The following BASP1 variants were observed in gnomAD, a reference collection of about 807,000 sequenced individuals.
BASP1 encodes brain abundant membrane attached signal protein 1.
A neutral mutation model predicts 2.2 loss-of-function variants in BASP1; 1 was observed. The ratio of observed to expected loss-of-function variants is 0.46; its 90% CI spans 0.16 to 2.17. BASP1 has a LOEUF of 2.17. BASP1 is among the 30% of genes most tolerant of loss of function. The pLI is 0.27. For synonymous variants in BASP1, 187 were observed against 154.2 expected (o/e 1.21, Z -1.58); for missense variants, 352 against 327.2 (o/e 1.08, Z -0.58).
intron 1 of BASP1, among the ~76,000 whole-genome samples, chr5:17,272,071 GAAAA>G (rs778258451): frequency 3.2e-4 from 19 of 60,228 alleles, no homozygotes; most frequent in African/African-American, 9.0e-4. Flanking sequence ...TGCATTTCAA[GAAAA>G]AAAAAAAAAA....
intron 1 of BASP1, among the ~76,000 whole-genome samples, chr5:17,237,119 GCGGATCA>G (rs1739763560): frequency 6.6e-6 from 1 of 152,160 alleles, no homozygotes; most frequent in South Asian, 2.1e-4. Flanking sequence ...GTCGAGGTGG[GCGGATCA>G]CGAGGTTAGG....
intron 1 of BASP1, among the ~76,000 whole-genome samples, chr5:17,219,248 GC>G (rs1739341892): frequency 6.6e-6 from 1 of 152,258 alleles, no homozygotes; most frequent in Admixed American, 6.5e-5. Flanking sequence ...GGGCCCGGCA[GC>G]CCCATCCCAT....
intron 1 of BASP1, among the ~76,000 whole-genome samples, chr5:17,257,945 G>C (rs1428822413): frequency 6.6e-6 from 1 of 152,136 alleles, no homozygotes; most frequent in Admixed American, 6.5e-5. Context: ...GGGTAGCAAG[G>C]GGACTGCCCA....
chr5:17,218,046 T>G, intron 1 of BASP1, among the ~76,000 whole-genome samples: 4 of 122,794 alleles, frequency 3.3e-5, no homozygotes, highest in Non-Finnish European at 1.8e-5. Flanking sequence ...GCTCGCATGG[T>G]GGAGGGGTGA....
At chr5:17,243,866 A>G (rs1739922017) in intron 1 of BASP1, among the ~76,000 whole-genome samples, 1 of 152,192 alleles carries the variant, frequency 6.6e-6, no homozygotes, top group African/African-American at 2.4e-5. Flanking sequence ...CAGAAAACAA[A>G]ACACTGCTGT....
chr5:17,227,203 A>G (rs981918963), intron 1 of BASP1, among the ~76,000 whole-genome samples: 5 of 148,874 alleles, frequency 3.4e-5, no homozygotes, highest in Admixed American at 2.7e-4. Context: ...TGCTAGGATT[A>G]CAGGTGTGAG....
chr5:17,226,946 CT>C (rs5866245), intron 1 of BASP1, among the ~76,000 whole-genome samples: 86,657 of 143,112 alleles, frequency 0.61, 26,595 homozygotes, highest in African/African-American at 0.81. Context: ...TTTTTTTTTT[CT>C]TTTTTTCGTT....
At chr5:17,230,385 T>A (rs1233180779) in intron 1 of BASP1, among the ~76,000 whole-genome samples, 2 of 151,868 alleles carry the variant, frequency 1.3e-5, no homozygotes, top group Non-Finnish European at 2.9e-5. Flanking sequence ...GGGAAGTGTG[T>A]GTCGGGAATC....
Position 17,275,544 on chromosome 5 carries a change from G to A in BASP1, c.328G>A (p.Ala110Thr), listed in dbSNP as rs1257025946. The part of the protein sequence containing the change: ...PPKAPEQEQA[A>T]PGPAAGGEAP... ...GAAGGCGCCCGAGCAGGAGCAGGCG[G>A]CCCCCGGCCCCGCTGCGGGCGGCGA... The change falls in exon 2 of 2, where the codon GCC (alanine) becomes ACC (threonine). Residue 110 changes from alanine to threonine, a missense_variant. Transcript: ENST00000322611. This position sits in a 1 kb window ranked among gnomAD's most constrained non-coding sequence, Gnocchi z 5.3. 6 of 1,404,224 alleles carry A rather than the reference G, an allele frequency of 4.3e-6. No homozygotes were observed. The highest frequency in any genetic ancestry group is 5.5e-6 in the Non-Finnish European group (6 of 1,083,924). 87.0% of individuals were successfully genotyped at this position (1,404,224 alleles called of 1,614,324 possible). A position where few individuals can be genotyped will look rare whatever the true frequency, so the allele number is the denominator to read the frequency against.
intron 1 of BASP1, among the ~76,000 whole-genome samples, chr5:17,231,866 C>T (rs1424937562): frequency 6.6e-6 from 1 of 152,182 alleles, no homozygotes; most frequent in Non-Finnish European, 1.5e-5. Context: ...CACCCCATGT[C>T]TGTTCAGTGT....
At chr5:17,230,877 A>C (rs1205867811) in intron 1 of BASP1, among the ~76,000 whole-genome samples, 1 of 152,148 alleles carries the variant, frequency 6.6e-6, no homozygotes, top group Non-Finnish European at 1.5e-5. Context: ...GGGTCTTTTT[A>C]AAACAGTTTA....
chr5:17,275,156 C>T lies in BASP1; in HGVS notation c.-9-52C>T. Reference sequence around the variant, plus strand: ...TTGCAAAATGCAGCTTTTTGTGGTCCCCACACTTGCCTAGTAACCGCCGTT... The same window carrying T: ...TTGCAAAATGCAGCTTTTTGTGGTCTCCACACTTGCCTAGTAACCGCCGTT... On this transcript the variant is annotated intron_variant, in intron 1 of 1. Transcript: ENST00000322611. This position sits in a 1 kb window ranked among gnomAD's most constrained non-coding sequence, Gnocchi z 5.3. The T allele has an allele frequency of 6.3e-7, 1 of 1,582,272 alleles. No homozygotes were observed. Among genetic ancestry groups the T allele is most frequent in the East Asian group, 2.2e-5 (1 of 44,680 alleles).
intron 1 of BASP1, among the ~76,000 whole-genome samples, chr5:17,242,746 A>G (rs1183930744): frequency 3.3e-5 from 5 of 152,148 alleles, no homozygotes. Context: ...ATAACTTTAA[A>G]CAACAGAAAA....
chr5:17,262,190 C>A (rs979700249), intron 1 of BASP1, among the ~76,000 whole-genome samples: 21 of 152,212 alleles, frequency 1.4e-4, no homozygotes, highest in African/African-American at 4.8e-4. Flanking sequence ...TCTTTTCTCA[C>A]TCCAAGTATC....
chr5:17,235,109 G>T (rs990466134), intron 1 of BASP1, among the ~76,000 whole-genome samples: 2 of 152,126 alleles, frequency 1.3e-5, no homozygotes, highest in Non-Finnish European at 2.9e-5. Context: ...ATATGCTTTA[G>T]CTCTTGAACA....
intron 1 of BASP1, among the ~76,000 whole-genome samples, chr5:17,267,157 G>A (rs1740431198): frequency 6.6e-6 from 1 of 152,220 alleles, no homozygotes; most frequent in Admixed American, 6.5e-5. Flanking sequence ...GGAAAAGATG[G>A]TTTGATTGTT....
intron 1 of BASP1, among the ~76,000 whole-genome samples, chr5:17,273,386 C>T (rs1288014062): frequency 1.3e-5 from 2 of 151,900 alleles, no homozygotes; most frequent in Non-Finnish European, 2.9e-5. Flanking sequence ...GACCAATTGC[C>T]ACCCCCTTTT....
Position 17,275,792 on chromosome 5 carries a change from G to A in BASP1, c.576G>A (p.Ala192=), listed in dbSNP as rs971627344. Reference sequence around the variant, plus strand: ...AGGAGACCCCCGCAGCCACGGAAGCGCCTAGTTCCACACCCAAGGCCCAGG... The same window carrying A: ...AGGAGACCCCCGCAGCCACGGAAGCACCTAGTTCCACACCCAAGGCCCAGG... ...SSKETPAATE[A]PSSTPKAQGP... Residue 192 remains alanine (A), a synonymous_variant, in exon 2 of 2, where the codon GCG becomes GCA. Transcript: ENST00000322611. The surrounding 1 kb of genome is among the most constrained non-coding windows in gnomAD (Gnocchi z 5.3). 3.1e-6 allele frequency: 5 copies of A among 1,612,910 alleles called. No individual in the cohort carries two copies. Among genetic ancestry groups the A allele is most frequent in the Non-Finnish European group, 4.2e-6 (5 of 1,179,698 alleles).
chr5:17,217,911 A>AT (rs1355088479), intron 1 of BASP1, 101 bp downstream of exon 1: 2 of 151,846 alleles, frequency 1.3e-5, no homozygotes, highest in Non-Finnish European at 2.9e-5. Flanking sequence ...CTCTCCCTTC[A>AT]TGCAGCGGGC....
Sources: allele counts gnomAD v4.1 joint callset (sites outside exome capture counted in the v4.1 genomes callset), GRCh38; gene constraint gnomAD v4.1.1; non-coding constraint Gnocchi (gnomAD v3.1); transcripts MANE v1.5; gene names NCBI Gene and HGNC (gene_info 2026-07-23, HGNC 2026-07-21).